Variants in GNA12 observed in about 807,000 individuals in gnomAD.
GNA12 encodes guanine nucleotide-binding protein subunit alpha-12.
Under a neutral mutation model 26.0 loss-of-function variants are expected in GNA12, and 9 were observed. The observed-to-expected ratio is 0.35, with a 90% CI of 0.21 to 0.60. The LOEUF is 0.60. Ranked by LOEUF, GNA12 falls within the 20% of genes least tolerant of loss-of-function variation. The pLI is 0.78. For missense variants in GNA12, 405 were observed against 525.8 expected (o/e 0.77, Z 2.25); for synonymous variants, 264 against 219.6 (o/e 1.20, Z -1.79).
chr7:2,770,480 G>T (rs1418968541), intron 2 of GNA12, among the ~76,000 whole-genome samples: 2 of 152,094 alleles, frequency 1.3e-5, no homozygotes, highest in East Asian at 3.9e-4. Context: ...AGTTAGCTAG[G>T]CGTGGTGGTG....
At chr7:2,813,083 T>C (rs1793126022) in intron 1 of GNA12, among the ~76,000 whole-genome samples, 1 of 152,134 alleles carries the variant, frequency 6.6e-6, no homozygotes, top group Non-Finnish European at 1.5e-5. Flanking sequence ...TTCACCACCA[T>C]ACCCAGCTAA....
chr7:2,815,072 G>C (rs527347458), intron 1 of GNA12: 1 of 1,403,286 alleles, frequency 7.1e-7, no homozygotes, highest in Non-Finnish European at 9.5e-7. Flanking sequence ...GGCAGGCTCC[G>C]AGGACACAAC....
chr7:2,763,219 CACACACACACA>C, intron 2 of GNA12: 2 of 416,222 alleles, frequency 4.8e-6, no homozygotes, highest in South Asian at 1.1e-4. Context: ...CACACACACA[CACACACACACA>C]CGGTCTCAAC....
At chr7:2,746,945 T>C (rs1322905625) in intron 2 of GNA12, among the ~76,000 whole-genome samples, 1 of 152,094 alleles carries the variant, frequency 6.6e-6, no homozygotes, top group Non-Finnish European at 1.5e-5. Flanking sequence ...CCTCGACACA[T>C]ACATCCTCCC....
At position 2,775,732 on chromosome 7, in the gene GNA12, A is replaced by G. The variant is rs375572760; in HGVS notation, c.525+19196T>C. Among the ~76,000 whole-genome samples, 3 of 152,212 alleles carry G rather than the reference A, an allele frequency of 2.0e-5. No homozygotes were observed. The East Asian group carries it at 5.8e-4, about 29-fold the overall frequency. On this transcript the variant is annotated intron_variant, in intron 2 of 3. Coordinates refer to ENST00000275364, the MANE Select transcript of GNA12 (RefSeq NM_007353.3). ...AAAGCAGAGGGCCAGGCTCCGAATC[A>G]CGTCACAAGTGGAAGAGACCTCAGA...
intron 1 of GNA12, among the ~76,000 whole-genome samples, chr7:2,812,862 C>CT (rs1313012867): frequency 6.6e-6 from 1 of 152,140 alleles, no homozygotes; most frequent in Non-Finnish European, 1.5e-5. Flanking sequence ...TATTTGGCCC[C>CT]TTTTTTGTTA....
In GNA12 at chr7:2,795,018, G is replaced by A. The variant is rs1468662892; in HGVS notation, c.435C>T (p.Ala145=). The A allele has an allele frequency of 1.9e-5, 31 of 1,614,148 alleles. No homozygotes were observed. The highest frequency in any genetic ancestry group is 2.5e-5 in the Non-Finnish European group (30 of 1,180,006). ...ENKAGLPVEP[A]TFQLYVPALS... ...GGGCCGGGACGTACAGCTGGAAGGT[G>A]GCCGGCTCCACAGGCAGCCCCGCCT... is the stretch of plus-strand genomic sequence containing the variant. Residue 145 remains alanine, a synonymous_variant, in exon 2 of 4, where the codon GCC becomes GCT. Transcript: ENST00000275364.
intron 2 of GNA12, among the ~76,000 whole-genome samples, chr7:2,790,901 G>A (rs1368718117): frequency 1.3e-5 from 2 of 151,876 alleles, no homozygotes; most frequent in African/African-American, 4.8e-5. Context: ...CTGAGCCCAG[G>A]AGATCCAGGC....
At chr7:2,814,768 C>T in intron 1 of GNA12, 1 of 1,006,466 alleles carries the variant, frequency 9.9e-7, no homozygotes, top group Non-Finnish European at 1.5e-6. Context: ...CTGTCCAACA[C>T]ACATCCTAGA....
chr7:2,747,859 T>C (rs1484510251), intron 2 of GNA12, among the ~76,000 whole-genome samples: 1 of 152,156 alleles, frequency 6.6e-6, no homozygotes, highest in Non-Finnish European at 1.5e-5. Flanking sequence ...AGCATTCTTA[T>C]ACACCAATAA....
At chr7:2,824,439 C>T (rs1470345522) in intron 1 of GNA12, among the ~76,000 whole-genome samples, 1 of 152,164 alleles carries the variant, frequency 6.6e-6, no homozygotes, top group African/African-American at 2.4e-5. Context: ...CTCCCCATCA[C>T]CTCTGCAGGC....
At chr7:2,822,856 G>C (rs1793399145) in intron 1 of GNA12, among the ~76,000 whole-genome samples, 1 of 152,160 alleles carries the variant, frequency 6.6e-6, no homozygotes, top group South Asian at 2.1e-4. Flanking sequence ...GAAAGGAGTT[G>C]AAGGAGATAA....
At chr7:2,743,899 C>A (rs1715609807) in intron 2 of GNA12, among the ~76,000 whole-genome samples, 1 of 152,004 alleles carries the variant, frequency 6.6e-6, no homozygotes, top group South Asian at 2.1e-4. Context: ...GAGGGTCCTA[C>A]ACCCAAGGAG....
chr7:2,739,118 G>A lies in GNA12; in HGVS notation c.526-5617C>T, dbSNP rs369330572. Among the ~76,000 whole-genome samples the A allele has an allele frequency of 2.5e-4, 38 of 152,286 alleles. No individual in the cohort carries two copies. In the East Asian group the frequency reaches 4.2e-3, roughly 17 times the overall value. On this transcript the variant is annotated intron_variant, in intron 2 of 3. Coordinates refer to ENST00000275364, the MANE Select transcript of GNA12 (RefSeq NM_007353.3). Reference sequence around the variant, plus strand: ...GTTGCTGTCACAGGGGTGCCACGCCGGGCCCCTAAAGCACCAGCCCCCTTG... The same window carrying A: ...GTTGCTGTCACAGGGGTGCCACGCCAGGCCCCTAAAGCACCAGCCCCCTTG...
In GNA12 at chr7:2,731,328, C is replaced by T; in HGVS notation, c.999G>A (p.Gln333=). Residue 333 remains glutamine, a synonymous_variant, in exon 4 of 4, where the codon CAG becomes CAA. Transcript: ENST00000275364. This position sits in a 1 kb window ranked among gnomAD's most constrained non-coding sequence, Gnocchi z 6.0. Reference sequence around the variant, plus strand: ...GGTTCCGTCTCTTCCTGTCGAAGCACTGGACCAGGTAGCGCTGGACGTCCT... The same window carrying T: ...GGTTCCGTCTCTTCCTGTCGAAGCATTGGACCAGGTAGCGCTGGACGTCCT... ...RLEDVQRYLV[Q]CFDRKRRNRS... is the part of the protein sequence containing the mutation. 8 of 1,614,062 alleles carry T rather than the reference C, an allele frequency of 5.0e-6. No individual in the cohort carries two copies. The highest frequency in any genetic ancestry group is 6.8e-6 in the Non-Finnish European group (8 of 1,180,010).
intron 2 of GNA12, among the ~76,000 whole-genome samples, chr7:2,784,742 C>T (rs1792316674): frequency 6.6e-6 from 1 of 152,152 alleles, no homozygotes; most frequent in African/African-American, 2.4e-5. Context: ...TACTGATTCG[C>T]AAGCGCCCTC....
intron 2 of GNA12, chr7:2,763,244 G>T: frequency 2.9e-6 from 1 of 350,144 alleles, no homozygotes; most frequent in Non-Finnish European, 4.0e-6. Flanking sequence ...TCTCAACACA[G>T]TTCAGAAAAC....
chr7:2,781,676 C>G (rs571319565), intron 2 of GNA12, among the ~76,000 whole-genome samples: 1 of 151,994 alleles, frequency 6.6e-6, no homozygotes, highest in Non-Finnish European at 1.5e-5. Context: ...TTTCTCAAGC[C>G]TTGAAAAATG....
At chr7:2,795,354 CGAGAGCAG>C (rs1792632643) in intron 1 of GNA12, among the ~76,000 whole-genome samples, 2 of 152,052 alleles carry the variant, frequency 1.3e-5, no homozygotes, top group African/African-American at 4.8e-5. Context: ...CGCACATGGC[CGAGAGCAG>C]TGGCTCACAC....
Sources: gnomAD v4.1 joint callset for allele counts (sites outside exome capture counted in the v4.1 genomes callset) on GRCh38, gnomAD v4.1.1 for gene constraint, Gnocchi (gnomAD v3.1) non-coding constraint, MANE v1.5 for transcripts, NCBI Gene and HGNC (gene_info 2026-07-23, HGNC 2026-07-21) for gene names.